The following UTRN variants were observed in gnomAD, a reference collection of about 807,000 sequenced individuals.
UTRN encodes utrophin.
In UTRN, 283 loss-of-function variants were observed where a neutral mutation model predicts 463.9. The ratio of observed to expected loss-of-function variants is 0.61; its 90% confidence interval spans 0.55 to 0.67. UTRN has a LOEUF of 0.67. Among genes scored for constraint, UTRN ranks in the 30% least tolerant of loss-of-function variants. The pLI is 0.00. For missense variants in UTRN, 3,922 were observed against 4,084.3 expected (o/e 0.96, Z 1.08); for synonymous variants, 1,442 against 1,431.5 (o/e 1.01, Z -0.17).
chr6:144,377,632 T>C (rs971576709), intron 2 of UTRN, among the ~76,000 whole-genome samples: 1 of 152,190 alleles, frequency 6.6e-6, no homozygotes, highest in Non-Finnish European at 1.5e-5. Context: ...CTTTTCTGTA[T>C]AGTCACTGTG....
rs552822694 is a variant in UTRN, at chr6:144,527,970, T to G, written c.5907-3082T>G. On this transcript the variant is annotated intron_variant, in intron 41 of 74. Coordinates refer to ENST00000367545, the MANE Select transcript of UTRN (RefSeq NM_007124.3). ...TGGTTTAATAATCGACCTTCTGAAT[T>G]CTTTTTCTGGCAATTCAGAGATTTT... 8.5e-5 allele frequency among the ~76,000 whole-genome samples: 13 copies of G among 152,326 alleles called. 1 individual carries two copies. In the South Asian group the frequency reaches 2.7e-3, roughly 32 times the overall value.
At chr6:144,322,289 G>C (rs976672568) in intron 2 of UTRN, among the ~76,000 whole-genome samples, 1 of 152,034 alleles carries the variant, frequency 6.6e-6, no homozygotes, top group Non-Finnish European at 1.5e-5. Context: ...TTTTAGTTGG[G>C]TGTTTGTGTA....
At chr6:144,761,107 A>G (rs1017326031) in intron 58 of UTRN, among the ~76,000 whole-genome samples, 6 of 152,198 alleles carry the variant, frequency 3.9e-5, no homozygotes, top group African/African-American at 7.2e-5. Flanking sequence ...GAGTCTATAT[A>G]GTATAAACCC....
At chr6:144,339,573 CT>C (rs1171529574) in intron 2 of UTRN, among the ~76,000 whole-genome samples, 1 of 151,578 alleles carries the variant, frequency 6.6e-6, no homozygotes, top group Non-Finnish European at 1.5e-5. Context: ...TTTTTAACCA[CT>C]TCTTTTATAA....
At chr6:144,712,597 C>A (rs1367418341) in intron 53 of UTRN, among the ~76,000 whole-genome samples, 2 of 152,214 alleles carry the variant, frequency 1.3e-5, no homozygotes, top group Non-Finnish European at 2.9e-5. Context: ...ATGTTTGCTG[C>A]ATACTTTGCT....
chr6:144,566,173 G>T (rs1306857935), intron 50 of UTRN, among the ~76,000 whole-genome samples: 1 of 152,196 alleles, frequency 6.6e-6, no homozygotes, highest in African/African-American at 2.4e-5. Flanking sequence ...GGTGGAAGAT[G>T]AAAGGTTCTC....
intron 65 of UTRN, among the ~76,000 whole-genome samples, chr6:144,808,774 T>A (rs1159504353): frequency 1.3e-5 from 2 of 152,154 alleles, no homozygotes; most frequent in Admixed American, 1.3e-4. Flanking sequence ...ATGCAGTATT[T>A]GTCTTTCTGT....
At chr6:144,568,137 C>T (rs1044238739) in intron 50 of UTRN, among the ~76,000 whole-genome samples, 1 of 152,004 alleles carries the variant, frequency 6.6e-6, no homozygotes, top group African/African-American at 2.4e-5. Flanking sequence ...AAATCTGTCA[C>T]CCGTGGATGT....
In UTRN at chr6:144,352,959, T is replaced by C. The variant is rs769232954; in HGVS notation, c.80-50164T>C. Among the ~76,000 whole-genome samples, 8 of 152,272 alleles carry C rather than the reference T, an allele frequency of 5.3e-5. No individual in the cohort carries two copies. The South Asian group carries it at 6.2e-4, about 12-fold the overall frequency. On this transcript the variant is annotated intron_variant, in intron 2 of 74. Coordinates refer to ENST00000367545, the MANE Select transcript of UTRN (RefSeq NM_007124.3). Reference sequence around the variant, plus strand: ...CTTCTTCTTCTTTTTCTTTTTTTCTTTGAGACAGGGTCTTGCTCTGTCAAC... The same window carrying C: ...CTTCTTCTTCTTTTTCTTTTTTTCTCTGAGACAGGGTCTTGCTCTGTCAAC...
chr6:144,300,035 C>T (rs998383225), intron 2 of UTRN, among the ~76,000 whole-genome samples: 2 of 151,502 alleles, frequency 1.3e-5, no homozygotes, highest in African/African-American at 2.4e-5. Flanking sequence ...TGACATAGAC[C>T]ACCGTAGCAT....
chr6:144,635,527 TTTC>T lies in UTRN; in HGVS notation c.7480-42876_7480-42874del, dbSNP rs771582894. On this transcript the variant is annotated intron_variant, in intron 51 of 74. Coordinates refer to ENST00000367545, the MANE Select transcript of UTRN (RefSeq NM_007124.3). ...GCCTTTTTTTTTCTTTTTTTTTTTT[TTTC>T]TTTTCTTTTTTTTTTTTTTTTTTTT... Among the ~76,000 whole-genome samples, 428 of 76,408 alleles carry T rather than the reference TTTC, an allele frequency of 5.6e-3. 10 individuals are homozygous for T. The highest frequency in any genetic ancestry group is 0.012 in the South Asian group (24 of 1,998). The allele number at this position is 76,408 out of a possible 152,430, so 50.1% of individuals were successfully genotyped here. A position where few individuals can be genotyped will look rare whatever the true frequency, so the allele number is the denominator to read the frequency against.
intron 65 of UTRN, among the ~76,000 whole-genome samples, chr6:144,808,823 C>T (rs180792174): frequency 6.6e-6 from 1 of 152,164 alleles, no homozygotes; most frequent in Admixed American, 6.6e-5. Flanking sequence ...CCTCCAGGCT[C>T]ATCTAAGTTA....
intron 2 of UTRN, among the ~76,000 whole-genome samples, chr6:144,297,911 T>TTA (rs1479046769): frequency 6.6e-6 from 1 of 152,244 alleles, no homozygotes; most frequent in African/African-American, 2.4e-5. Context: ...AGTACGTTAA[T>TTA]TATATAGACA....
intron 23 of UTRN, among the ~76,000 whole-genome samples, chr6:144,465,100 C>T (rs1165181777): frequency 1.3e-5 from 2 of 152,160 alleles, no homozygotes; most frequent in African/African-American, 4.8e-5. Flanking sequence ...TCATCTGGCT[C>T]CAAATGTCAC....
intron 42 of UTRN, among the ~76,000 whole-genome samples, chr6:144,532,585 G>A (rs1797164276): frequency 6.6e-6 from 1 of 152,202 alleles, no homozygotes; most frequent in Non-Finnish European, 1.5e-5. Flanking sequence ...TACAATTCAA[G>A]ATGAGATTTG....
At chr6:144,780,315 A>C (rs569483651) in intron 60 of UTRN, among the ~76,000 whole-genome samples, 40 of 152,212 alleles carry the variant, frequency 2.6e-4, no homozygotes, top group African/African-American at 8.7e-4. Context: ...AATATATAAC[A>C]TATGTGTATA....
In UTRN at chr6:144,452,289, A is replaced by G. The variant is rs996155667; in HGVS notation, c.2196+796A>G. ...TACCTAGTCACAGTAAACTTTGTGA[A>G]AATCAAAGTAGGATAGCTGAATTTA... On this transcript the variant is annotated intron_variant, in intron 18 of 74. Coordinates refer to ENST00000367545, the MANE Select transcript of UTRN (RefSeq NM_007124.3). 6.6e-5 allele frequency among the ~76,000 whole-genome samples: 10 copies of G among 152,364 alleles called. No homozygotes were observed. The South Asian group carries it at 2.1e-3, about 32-fold the overall frequency.
At chr6:144,826,166 AAAT>A (rs1780165077) in intron 66 of UTRN, among the ~76,000 whole-genome samples, 1 of 150,854 alleles carries the variant, frequency 6.6e-6, no homozygotes, top group African/African-American at 2.4e-5. Flanking sequence ...AAGAAAAAAT[AAAT>A]AAATAAATAA....
intron 50 of UTRN, among the ~76,000 whole-genome samples, chr6:144,561,040 CT>C (rs1230507254): frequency 2.0e-5 from 3 of 150,928 alleles, no homozygotes; most frequent in Non-Finnish European, 3.0e-5. Context: ...TTACTTATCA[CT>C]TTTTTTCCTT....
Sources: allele counts gnomAD v4.1 joint callset (sites outside exome capture counted in the v4.1 genomes callset), GRCh38; gene constraint gnomAD v4.1.1; transcripts MANE v1.5; gene names NCBI Gene and HGNC (gene_info 2026-07-23, HGNC 2026-07-21).